EPHA5: variants seen among roughly 807,000 people sequenced by gnomAD.
The protein encoded by EPHA5 is EPH receptor A5, also known as ephrin type-A receptor 5.
In EPHA5, 60 loss-of-function variants were observed where a neutral mutation model predicts 105.0. The ratio of observed to expected loss-of-function variants is 0.57; its 90% CI spans 0.46 to 0.71. The LOEUF (loss-of-function observed/expected upper bound fraction) is 0.71, where lower values mean the gene tolerates loss of function less well. EPHA5 is among the 30% of genes least tolerant of loss of function. The pLI is 0.00. For synonymous variants in EPHA5, 513 were observed against 449.1 expected, an observed-to-expected ratio of 1.14 and a Z score of -1.80; for missense variants, 1,218 against 1,274.7, an observed-to-expected ratio of 0.96 and a Z score of 0.68.
At chr4:65,356,018 T>C (rs1300498690) in intron 11 of EPHA5, among the ~76,000 whole-genome samples, 1 of 151,442 alleles carries the variant, frequency 6.6e-6, no homozygotes, top group Non-Finnish European at 1.5e-5. Context: ...TTATAATAAA[T>C]TGAAAGAACT....
intron 5 of EPHA5, among the ~76,000 whole-genome samples, chr4:65,443,641 C>T (rs1035311522): frequency 5.3e-5 from 8 of 152,096 alleles, no homozygotes; most frequent in African/African-American, 1.9e-4. Context: ...CTAGAATCTC[C>T]TGTTGCTGTG....
At chr4:65,565,470 TTTCC>T (rs1211422165) in intron 3 of EPHA5, among the ~76,000 whole-genome samples, 1 of 151,684 alleles carries the variant, frequency 6.6e-6, no homozygotes, top group Non-Finnish European at 1.5e-5. Flanking sequence ...TAATAAGAGA[TTTCC>T]AATAAGGCTT....
At chr4:65,512,409 C>T (rs1733710042) in intron 3 of EPHA5, among the ~76,000 whole-genome samples, 1 of 151,964 alleles carries the variant, frequency 6.6e-6, no homozygotes, top group South Asian at 2.1e-4. Context: ...AATTGTAATC[C>T]CCAATGTTGG....
chr4:65,543,214 C>T (rs1193353916), intron 3 of EPHA5, among the ~76,000 whole-genome samples: 1 of 152,032 alleles, frequency 6.6e-6, no homozygotes, highest in East Asian at 1.9e-4. Flanking sequence ...ATTGGAAGTT[C>T]TGGCCAGGGC....
intron 5 of EPHA5, among the ~76,000 whole-genome samples, chr4:65,436,351 G>A (rs542127790): frequency 6.6e-6 from 1 of 150,654 alleles, no homozygotes; most frequent in Non-Finnish European, 1.5e-5. Flanking sequence ...GCTATAAACA[G>A]ACACACACAC....
chr4:65,669,406 G>A (rs1750256607), intron 1 of EPHA5, 156 bp downstream of exon 1: 2 of 985,166 alleles, frequency 2.0e-6, no homozygotes, highest in African/African-American at 1.7e-5. Context: ...AGAGGGGAGC[G>A]AAAAGGCCAG....
chr4:65,534,342 T>C (rs756422938), intron 3 of EPHA5, among the ~76,000 whole-genome samples: 6 of 152,178 alleles, frequency 3.9e-5, no homozygotes, highest in Non-Finnish European at 8.8e-5. Context: ...ATTCGTGAAA[T>C]ATTTTGTTTA....
chr4:65,431,303 T>G (rs1724948296), intron 5 of EPHA5, among the ~76,000 whole-genome samples: 1 of 152,162 alleles, frequency 6.6e-6, no homozygotes, highest in South Asian at 2.1e-4. Flanking sequence ...ATAATACAGA[T>G]AGCCATAAAT....
intron 2 of EPHA5, among the ~76,000 whole-genome samples, chr4:65,624,339 A>G (rs1386422907): frequency 6.6e-6 from 1 of 152,206 alleles, no homozygotes; most frequent in Non-Finnish European, 1.5e-5. Context: ...TTTCAGGCAT[A>G]CTTGTCATTA....
intron 5 of EPHA5, among the ~76,000 whole-genome samples, chr4:65,472,894 C>T (rs776298104): frequency 1.1e-4 from 17 of 152,196 alleles, no homozygotes; most frequent in African/African-American, 2.2e-4. Context: ...TTTATGCAGC[C>T]GGCTTGAATT....
intron 3 of EPHA5, among the ~76,000 whole-genome samples, chr4:65,529,262 T>C (rs1036550681): frequency 1.1e-4 from 17 of 152,146 alleles, no homozygotes; most frequent in Admixed American, 3.9e-4. Flanking sequence ...AGTGGTCTAA[T>C]GTTTGGAATG....
At chr4:65,636,590 G>T (rs1578650198) in intron 2 of EPHA5, among the ~76,000 whole-genome samples, 1 of 151,532 alleles carries the variant, frequency 6.6e-6, no homozygotes, top group African/African-American at 2.4e-5. Context: ...ACTAAATGTT[G>T]GTGTATATTT....
chr4:65,555,567 A>T (rs1274908744), intron 3 of EPHA5, among the ~76,000 whole-genome samples: 1 of 151,822 alleles, frequency 6.6e-6, no homozygotes, highest in Non-Finnish European at 1.5e-5. Flanking sequence ...AAAAAAAAAA[A>T]ACTCCATCTT....
At chr4:65,615,598 A>C (rs1745159201) in intron 2 of EPHA5, among the ~76,000 whole-genome samples, 2 of 151,966 alleles carry the variant, frequency 1.3e-5, no homozygotes, top group Non-Finnish European at 2.9e-5. Flanking sequence ...CATATAAAAC[A>C]CAAATCGCTG....
intron 8 of EPHA5, among the ~76,000 whole-genome samples, chr4:65,374,608 C>G (rs1370845629): frequency 1.3e-5 from 2 of 151,842 alleles, no homozygotes; most frequent in Non-Finnish European, 2.9e-5. Context: ...TAAATTTCCA[C>G]AAGTTATCTC....
chr4:65,657,412 T>G (rs1286109093), intron 1 of EPHA5, among the ~76,000 whole-genome samples: 1 of 152,142 alleles, frequency 6.6e-6, no homozygotes, highest in African/African-American at 2.4e-5. Context: ...AAAGCTGTAG[T>G]TGATTAAATT....
At chr4:65,352,724 C>T (rs1193817349) in intron 12 of EPHA5, among the ~76,000 whole-genome samples, 1 of 151,594 alleles carries the variant, frequency 6.6e-6, no homozygotes, top group Non-Finnish European at 1.5e-5. Flanking sequence ...TTCCTTTTTT[C>T]CCTTTTTACA....
At chr4:65,606,987 C>A (rs1243059769) in intron 2 of EPHA5, among the ~76,000 whole-genome samples, 1 of 152,096 alleles carries the variant, frequency 6.6e-6, no homozygotes, top group African/African-American at 2.4e-5. Context: ...CACTTTGAGT[C>A]ACATATTTTA....
At chr4:65,456,322 A>ATTT (rs201174135) in intron 5 of EPHA5, among the ~76,000 whole-genome samples, 72 of 147,752 alleles carry the variant, frequency 4.9e-4, no homozygotes, top group Non-Finnish European at 6.6e-4. Context: ...CTGTTCTTCG[A>ATTT]TTTTTTTTTT....
Sources: allele counts gnomAD v4.1 joint callset (sites outside exome capture counted in the v4.1 genomes callset), GRCh38; gene constraint gnomAD v4.1.1; transcripts MANE v1.5; gene names NCBI Gene and HGNC (gene_info 2026-07-23, HGNC 2026-07-21).